SLC35F1: variants seen among roughly 807,000 people sequenced by gnomAD.
SLC35F1 encodes the protein solute carrier family 35 member F1, also known as chromosome 6 open reading frame 169.
In SLC35F1, 14 loss-of-function variants were observed where a neutral mutation model predicts 48.7. The observed-to-expected ratio is 0.29, with a 90% confidence interval of 0.19 to 0.45. The LOEUF (loss-of-function observed/expected upper bound fraction) is 0.45, where lower values mean the gene tolerates loss of function less well. Ranked by LOEUF, SLC35F1 falls within the 20% of genes least tolerant of loss-of-function variation. SLC35F1 has a pLI of 1.00. For missense variants in SLC35F1, 404 were observed against 500.0 expected (o/e 0.81, Z 1.83); for synonymous variants, 190 against 202.2 (o/e 0.94, Z 0.51).
chr6:118,272,533 TTA>T (rs1423264608), intron 4 of SLC35F1, among the ~76,000 whole-genome samples: 1 of 152,114 alleles, frequency 6.6e-6, no homozygotes, highest in Non-Finnish European at 1.5e-5. Flanking sequence ...TGTTAATATT[TTA>T]TATGTTATTA....
chr6:118,160,925 G>C (rs1774220909), intron 2 of SLC35F1, among the ~76,000 whole-genome samples: 1 of 151,358 alleles, frequency 6.6e-6, no homozygotes, highest in African/African-American at 2.4e-5. Context: ...AGGAGGTTGG[G>C]GGTGGTAGCC....
chr6:118,005,676 G>A (rs1019096278), intron 1 of SLC35F1, among the ~76,000 whole-genome samples: 1 of 152,134 alleles, frequency 6.6e-6, no homozygotes, highest in Admixed American at 6.6e-5. Context: ...GCAGCTTTCT[G>A]TTACTCACAG....
intron 1 of SLC35F1, among the ~76,000 whole-genome samples, chr6:117,923,731 GTA>G (rs1412504304): frequency 1.0e-4 from 7 of 70,012 alleles, no homozygotes; most frequent in South Asian, 5.2e-4. Flanking sequence ...ATATACATAT[GTA>G]TATATACATA....
chr6:118,291,029 A>G (rs778012457), intron 7 of SLC35F1, among the ~76,000 whole-genome samples: 18 of 152,036 alleles, frequency 1.2e-4, no homozygotes, highest in Non-Finnish European at 2.4e-4. Context: ...TCCTGACCTC[A>G]TGATCCGCCC....
chr6:118,137,790 G>A (rs891180568), intron 1 of SLC35F1, among the ~76,000 whole-genome samples: 2 of 152,144 alleles, frequency 1.3e-5, no homozygotes, highest in South Asian at 2.1e-4. Flanking sequence ...GAATGAGGGG[G>A]TGGATCTAGG....
At chr6:118,272,555 G>A (rs1775865671) in intron 4 of SLC35F1, among the ~76,000 whole-genome samples, 1 of 151,802 alleles carries the variant, frequency 6.6e-6, no homozygotes, top group Admixed American at 6.6e-5. Flanking sequence ...AATGCAATAT[G>A]TTATAATTTC....
At chr6:117,914,089 T>C (rs1775797102) in intron 1 of SLC35F1, among the ~76,000 whole-genome samples, 1 of 49,276 alleles carries the variant, frequency 2.0e-5, no homozygotes, top group Non-Finnish European at 4.5e-5. Context: ...AAGAATCCTA[T>C]CTATCTATCT....
At chr6:118,276,832 T>C (rs73768624) in intron 5 of SLC35F1, among the ~76,000 whole-genome samples, 6,394 of 152,254 alleles carry the variant, frequency 0.042, 357 homozygotes, top group African/African-American at 0.13. Context: ...GAAGTGGCAC[T>C]AGGGTGTCCT....
intron 1 of SLC35F1, among the ~76,000 whole-genome samples, chr6:117,984,289 G>A (rs1402952526): frequency 6.6e-6 from 1 of 152,026 alleles, no homozygotes; most frequent in Admixed American, 6.6e-5. Flanking sequence ...GGCAGATCAC[G>A]AGGTCAGGAG....
Position 117,923,710 on chromosome 6 carries a change from C to CATATATGTATATATACACGTGT in SLC35F1, c.173+15817_173+15818insGTATATATACACGTGTATATAT, listed in dbSNP as rs1775961443. Among the ~76,000 whole-genome samples, 18 of 22,554 alleles carry CATATATGTATATATACACGTGT rather than the reference C, an allele frequency of 8.0e-4. 4 individuals are homozygous for CATATATGTATATATACACGTGT. The highest frequency in any genetic ancestry group is 3.8e-3 in the African/African-American group (17 of 4,476). 14.8% of individuals were successfully genotyped at this position (22,554 alleles called of 152,430 possible). A position where few individuals can be genotyped will look rare whatever the true frequency, so the allele number is the denominator to read the frequency against. On this transcript the variant is annotated intron_variant, in intron 1 of 7. Coordinates refer to ENST00000360388, the MANE Select transcript of SLC35F1 (RefSeq NM_001029858.4). ...ACATATGTACATATACATATATGTACATATATACATATATACATATGTATA... is the reference window on the plus strand; with the variant it reads ...ACATATGTACATATACATATATGTACATATATGTATATATACACGTGTATATATACATATATACATATGTATA...
chr6:118,127,541 G>C (rs1773645347), intron 1 of SLC35F1, among the ~76,000 whole-genome samples: 2 of 152,078 alleles, frequency 1.3e-5, no homozygotes, highest in African/African-American at 4.8e-5. Flanking sequence ...ACAAACTTGA[G>C]AAAAACAAGC....
At chr6:118,245,647 T>C (rs930942676) in intron 3 of SLC35F1, among the ~76,000 whole-genome samples, 26 of 152,130 alleles carry the variant, frequency 1.7e-4, no homozygotes, top group African/African-American at 6.3e-4. Context: ...TCCTGCAACA[T>C]AGACTGTTCC....
At chr6:117,991,839 A>G (rs1776922940) in intron 1 of SLC35F1, among the ~76,000 whole-genome samples, 1 of 152,104 alleles carries the variant, frequency 6.6e-6, no homozygotes, top group Non-Finnish European at 1.5e-5. Context: ...ACTGGGATAC[A>G]TTTTCAAAAT....
intron 1 of SLC35F1, among the ~76,000 whole-genome samples, chr6:118,002,676 G>T (rs1447814640): frequency 6.6e-6 from 1 of 151,290 alleles, no homozygotes; most frequent in East Asian, 1.9e-4. Flanking sequence ...ATTTTTTCAA[G>T]GTCATATCGA....
intron 1 of SLC35F1, among the ~76,000 whole-genome samples, chr6:118,003,241 CAT>C: frequency 6.6e-6 from 1 of 152,186 alleles, no homozygotes; most frequent in East Asian, 1.9e-4. Flanking sequence ...GCTGAGTCCT[CAT>C]GTGTACAGGC....
At position 117,923,766 on chromosome 6, in the gene SLC35F1, C is replaced by CATATATGTATAT. The variant is rs1775971548; in HGVS notation, c.173+15870_173+15871insTATGTATATATA. 1.1e-3 allele frequency among the ~76,000 whole-genome samples: 19 copies of CATATATGTATAT among 17,830 alleles called. 3 individuals are homozygous for CATATATGTATAT. The highest frequency in any genetic ancestry group is 2.3e-3 in the East Asian group (1 of 430). The allele number at this position is 17,830 out of a possible 152,430, so 11.7% of individuals were successfully genotyped here. A position where few individuals can be genotyped will look rare whatever the true frequency, so the allele number is the denominator to read the frequency against. ...ATATATGTACATATATACATATGCA[C>CATATATGTATAT]ATACATATGTATATATACATATATG... On this transcript the variant is annotated intron_variant, in intron 1 of 7. Transcript: ENST00000360388.
At chr6:118,303,421 A>C (rs1776276863) in intron 7 of SLC35F1, among the ~76,000 whole-genome samples, 1 of 152,178 alleles carries the variant, frequency 6.6e-6, no homozygotes, top group South Asian at 2.1e-4. Context: ...TAATTAGGAG[A>C]GAGGGAAGAG....
intron 3 of SLC35F1, among the ~76,000 whole-genome samples, chr6:118,245,021 A>G (rs553664341): frequency 2.4e-4 from 36 of 152,348 alleles, no homozygotes; most frequent in Admixed American, 1.6e-3. Context: ...ACACCTTTTC[A>G]GTATTCTGCT....
chr6:118,043,550 G>A (rs1456018233), intron 1 of SLC35F1, among the ~76,000 whole-genome samples: 2 of 152,032 alleles, frequency 1.3e-5, no homozygotes, highest in Non-Finnish European at 2.9e-5. Context: ...TGTTTACCTG[G>A]TATCTAGAGT....
Sources: allele counts gnomAD v4.1 joint callset (sites outside exome capture counted in the v4.1 genomes callset), GRCh38; gene constraint gnomAD v4.1.1; transcripts MANE v1.5; gene names NCBI Gene and HGNC (gene_info 2026-07-23, HGNC 2026-07-21).